NOTCH2: variants seen among roughly 807,000 people sequenced by gnomAD.
NOTCH2 encodes neurogenic locus notch homolog protein 2.
A neutral mutation model predicts 235.8 loss-of-function variants in NOTCH2; 29 were observed. That is an observed-to-expected ratio of 0.12 (90% CI 0.09 to 0.17). The LOEUF (loss-of-function observed/expected upper bound fraction) is 0.17, where lower values mean the gene tolerates loss of function less well. Ranked by LOEUF, NOTCH2 falls within the 10% of genes least tolerant of loss-of-function variation. The pLI is 1.00. For synonymous variants in NOTCH2, 1,086 were observed against 1,141.5 expected (o/e 0.95, Z 0.98); for missense variants, 2,285 against 3,150.2 (o/e 0.73, Z 6.57).
At chr1:119,925,182 T>C in intron 25 of NOTCH2, 123 bp downstream of exon 25, 1 of 1,222,676 alleles carries the variant, frequency 8.2e-7, no homozygotes, top group Middle Eastern at 2.7e-4. Context: ...GGGACAAGGC[T>C]GGCACCATCT....
chr1:119,970,505 C>G (rs1651321827), intron 5 of NOTCH2, among the ~76,000 whole-genome samples: 1 of 152,066 alleles, frequency 6.6e-6, no homozygotes, highest in African/African-American at 2.4e-5. Flanking sequence ...GAAAGTCCAC[C>G]CAATGTACTA....
chr1:120,040,945 GC>G (rs1179327976), intron 1 of NOTCH2, among the ~76,000 whole-genome samples: 4 of 146,768 alleles, frequency 2.7e-5, no homozygotes, highest in Non-Finnish European at 4.5e-5. Context: ...GGAGTCTGAG[GC>G]AGGAGAATGG....
At chr1:119,950,675 G>C (rs1650438336) in intron 15 of NOTCH2, 49 bp downstream of exon 15, 2 of 1,213,838 alleles carry the variant, frequency 1.6e-6, no homozygotes, top group Middle Eastern at 3.8e-4. Context: ...CACTGACAAA[G>C]CAAGGTCAAG....
At chr1:119,926,691 G>C in intron 23 of NOTCH2, 80 bp from the exon 24 acceptor site, 2 of 1,121,926 alleles carry the variant, frequency 1.8e-6, no homozygotes, top group Non-Finnish European at 2.6e-6. Flanking sequence ...TGCTGGGATG[G>C]GAACTAGCCA....
chr1:119,928,966 A>G lies in NOTCH2; in HGVS notation c.3892+10T>C, dbSNP rs375946469. ...AGGCAGAGTGGCCAGGAGGCTAGAG[A>G]GCTTCTCACCAGTAAAGGCACTACG... On this transcript the variant is annotated intron_variant, in intron 23 of 33. Transcript: ENST00000256646. 6.2e-7 allele frequency: 1 copy of G among 1,611,140 alleles called. No homozygotes were observed. The highest frequency in any genetic ancestry group is 8.5e-7 in the Non-Finnish European group (1 of 1,177,474).
chr1:119,948,278 A>T (rs1650332773), intron 17 of NOTCH2, 136 bp downstream of exon 17: 2 of 871,278 alleles, frequency 2.3e-6, no homozygotes, highest in Admixed American at 3.7e-5. Context: ...TTAAAACACT[A>T]CTGTTAAATA....
At chr1:119,963,946 C>A in intron 10 of NOTCH2, 139 bp from the exon 11 acceptor site, 1 of 749,950 alleles carries the variant, frequency 1.3e-6, no homozygotes, top group East Asian at 2.7e-5. Context: ...CAGTAGAAAA[C>A]GACGATCTGC....
At chr1:119,961,440 A>C (rs1316138198) in intron 11 of NOTCH2, among the ~76,000 whole-genome samples, 1 of 152,202 alleles carries the variant, frequency 6.6e-6, no homozygotes, top group East Asian at 1.9e-4. Context: ...GTAGGAAAAG[A>C]TGCCTGGATC....
chr1:119,942,838 T>G (rs1553196631), intron 17 of NOTCH2, among the ~76,000 whole-genome samples: 1 of 152,162 alleles, frequency 6.6e-6, no homozygotes, highest in African/African-American at 2.4e-5. Context: ...TTTTCACTAT[T>G]TGTAATACAT....
chr1:120,039,449 C>T (rs1241610253), intron 1 of NOTCH2, among the ~76,000 whole-genome samples: 2 of 149,198 alleles, frequency 1.3e-5, no homozygotes, highest in Non-Finnish European at 3.0e-5. Context: ...CGCTCTGTCG[C>T]CCAGGCTGGA....
At chr1:119,937,749 A>C in intron 20 of NOTCH2, 108 bp downstream of exon 20, 1 of 1,258,058 alleles carries the variant, frequency 7.9e-7, no homozygotes, top group Non-Finnish European at 1.1e-6. Flanking sequence ...CCCACCCACT[A>C]CTATCTGCCC....
At position 119,916,132 on chromosome 1, in the gene NOTCH2, T is replaced by C; in HGVS notation, c.6590A>G (p.His2197Arg). The change falls in exon 34 of 34, where the codon CAT becomes CGT. Residue 2197 changes from histidine (H) to arginine (R), a missense_variant. Coordinates refer to ENST00000256646, the MANE Select transcript of NOTCH2 (RefSeq NM_024408.4). Reference sequence around the variant, plus strand: ...ATGAAGGTTAGAAAAAGATAGTGCATGCTGGGCATGGACTGGGGCAGGAGG... The same window carrying C: ...ATGAAGGTTAGAAAAAGATAGTGCACGCTGGGCATGGACTGGGGCAGGAGG... ...AAPPAPVHAQHALSFSNLHEM... is the reference protein window; with the variant it reads ...AAPPAPVHAQRALSFSNLHEM... 1 of 1,614,152 alleles carries C rather than the reference T, an allele frequency of 6.2e-7. No individual in the cohort carries two copies. The highest frequency in any genetic ancestry group is 8.5e-7 in the Non-Finnish European group (1 of 1,180,012).
chr1:119,940,771 G>A lies in NOTCH2; in HGVS notation c.2982-15C>T, dbSNP rs782764811. The A allele has an allele frequency of 6.2e-7, 1 of 1,608,620 alleles. No homozygotes were observed. Among genetic ancestry groups the A allele is most frequent in the Non-Finnish European group, 8.5e-7 (1 of 1,175,104 alleles). On this transcript the variant is annotated splice_polypyrimidine_tract_variant and intron_variant, in intron 18 of 33. Transcript: ENST00000256646. ...TGAAACAGGAGCTAAGAAGCAAACA[G>A]AGCAACATCAGCTATGTATCTGGTG...
chr1:119,935,295 A>T, intron 22 of NOTCH2, 177 bp downstream of exon 22: 2 of 1,545,606 alleles, frequency 1.3e-6, no homozygotes. Flanking sequence ...CCACAACATC[A>T]GAGCTAGCAA....
chr1:119,969,373 A>G lies in NOTCH2; in HGVS notation c.1108+138T>C. On this transcript the variant is annotated intron_variant, in intron 6 of 33. Transcript: ENST00000256646. Reference sequence around the variant, plus strand: ...CATAGCACTTTGGCTAGCAGGTTACATTTCTGGAACAGTCCTGAGTGATAT... The same window carrying G: ...CATAGCACTTTGGCTAGCAGGTTACGTTTCTGGAACAGTCCTGAGTGATAT... 3 of 773,638 alleles carry G rather than the reference A, an allele frequency of 3.9e-6. No homozygotes were observed. The South Asian group carries it at 4.5e-5, about 12-fold the overall frequency. 47.9% of individuals were successfully genotyped at this position (773,638 alleles called of 1,614,324 possible).
intron 1 of NOTCH2, among the ~76,000 whole-genome samples, chr1:120,032,291 G>A (rs1654124352): frequency 7.3e-6 from 1 of 136,922 alleles, no homozygotes; most frequent in South Asian, 2.5e-4. Flanking sequence ...CTCCTTATAA[G>A]TACATGAATG....
intron 4 of NOTCH2, chr1:119,995,815 C>T (rs1176295861): frequency 1.3e-5 from 2 of 152,174 alleles, no homozygotes; most frequent in African/African-American, 4.8e-5. Flanking sequence ...TAGAACATAG[C>T]AGGCAGTCAA....
At chr1:120,026,391 C>T (rs1447137984) in intron 2 of NOTCH2, among the ~76,000 whole-genome samples, 1 of 151,236 alleles carries the variant, frequency 6.6e-6, no homozygotes, top group Non-Finnish European at 1.5e-5. Flanking sequence ...ACTAAGCAAT[C>T]GCATGAATAA....
chr1:119,960,289 C>A (rs1206434787), intron 11 of NOTCH2, among the ~76,000 whole-genome samples: 3 of 151,936 alleles, frequency 2.0e-5, no homozygotes, highest in Middle Eastern at 6.4e-3. Flanking sequence ...CTTGACACTG[C>A]CTGTCAGTAT....
Sources: gnomAD v4.1 joint callset for allele counts (sites outside exome capture counted in the v4.1 genomes callset) on GRCh38, gnomAD v4.1.1 for gene constraint, MANE v1.5 for transcripts, NCBI Gene and HGNC (gene_info 2026-07-23, HGNC 2026-07-21) for gene names.